The following ROBO2 variants were observed in gnomAD, a reference collection of about 807,000 sequenced individuals.
The protein encoded by ROBO2 is roundabout homolog 2.
Under a neutral mutation model 160.8 loss-of-function variants are expected in ROBO2, and 53 were observed. The ratio of observed to expected loss-of-function variants is 0.33; its 90% CI spans 0.26 to 0.41. The LOEUF (loss-of-function observed/expected upper bound fraction) is 0.41, where lower values mean the gene tolerates loss of function less well. Ranked by LOEUF, ROBO2 falls within the 10% of genes least tolerant of loss-of-function variation. The pLI is 1.00. For missense variants in ROBO2, 1,577 were observed against 1,722.4 expected, an observed-to-expected ratio of 0.92 and a Z score of 1.49; for synonymous variants, 664 against 611.7, an observed-to-expected ratio of 1.09 and a Z score of -1.26.
At position 77,335,964 on chromosome 3, in the gene ROBO2, G is replaced by A. The variant is rs140044525; in HGVS notation, c.389-141450G>A. Among the ~76,000 whole-genome samples the A allele has an allele frequency of 6.6e-5, 10 of 152,292 alleles. No homozygotes were observed. In the East Asian group the frequency reaches 1.9e-3, roughly 29 times the overall value. On this transcript the variant is annotated intron_variant, in intron 2 of 25. Transcript: ENST00000461745. Reference sequence around the variant, plus strand: ...ATTAAATGTTGAAATTGTCATAATGGAGGTATATGCAAGGTACTGTAAGAA... The same window carrying A: ...ATTAAATGTTGAAATTGTCATAATGAAGGTATATGCAAGGTACTGTAAGAA...
At chr3:76,873,987 G>A (rs867643090) in intron 2 of ROBO2, among the ~76,000 whole-genome samples, 1 of 152,116 alleles carries the variant, frequency 6.6e-6, no homozygotes, top group South Asian at 2.1e-4. Flanking sequence ...ATAGAATGGA[G>A]AGAGAACCAA....
intron 2 of ROBO2, among the ~76,000 whole-genome samples, chr3:77,293,579 G>A (rs1393320095): frequency 2.1e-4 from 31 of 146,788 alleles, no homozygotes; most frequent in Non-Finnish European, 3.9e-4. Flanking sequence ...ACGGGTAAAC[G>A]GGTAAGCTGA....
At chr3:76,178,867 A>C (rs2073325540) in intron 2 of ROBO2, among the ~76,000 whole-genome samples, 1 of 151,984 alleles carries the variant, frequency 6.6e-6, no homozygotes, top group Admixed American at 6.6e-5. Flanking sequence ...CTTGAACCTG[A>C]GAGGCGGAGG....
chr3:77,463,316 A>C (rs1273464372), intron 2 of ROBO2, among the ~76,000 whole-genome samples: 1 of 152,192 alleles, frequency 6.6e-6, no homozygotes, highest in African/African-American at 2.4e-5. Context: ...ATCAACTTTT[A>C]AAATGAACTA....
chr3:77,551,104 T>C, intron 8 of ROBO2, 115 bp downstream of exon 9: 2 of 1,144,442 alleles, frequency 1.7e-6, no homozygotes, highest in Non-Finnish European at 2.6e-6. Flanking sequence ...TGCTTATCTT[T>C]TAAGTTTGAA....
intron 2 of ROBO2, among the ~76,000 whole-genome samples, chr3:76,520,411 A>G (rs2081547408): frequency 6.6e-6 from 1 of 152,172 alleles, no homozygotes; most frequent in African/African-American, 2.4e-5. Context: ...AGATTGTGCC[A>G]CTGCACTCCA....
At chr3:77,398,664 C>A (rs2075516433) in intron 2 of ROBO2, among the ~76,000 whole-genome samples, 1 of 152,060 alleles carries the variant, frequency 6.6e-6, no homozygotes, top group South Asian at 2.1e-4. Context: ...TCACTGCAAC[C>A]TGGATTTCCT....
intron 2 of ROBO2, among the ~76,000 whole-genome samples, chr3:75,942,609 A>C (rs558344566): frequency 3.9e-5 from 6 of 152,250 alleles, no homozygotes; most frequent in African/African-American, 1.4e-4. Context: ...CATAAAACCC[A>C]CATGAATACA....
At chr3:75,936,928 A>G (rs73123282) in intron 1 of ROBO2, among the ~76,000 whole-genome samples, 1 of 152,058 alleles carries the variant, frequency 6.6e-6, no homozygotes, top group Non-Finnish European at 1.5e-5. Flanking sequence ...TAATTTTACT[A>G]TCAATTTTAA....
At position 77,375,225 on chromosome 3, in the gene ROBO2, T is replaced by G. The variant is rs149368142; in HGVS notation, c.389-102189T>G. Among the ~76,000 whole-genome samples the G allele has an allele frequency of 1.6e-4, 25 of 152,334 alleles. No individual in the cohort carries two copies. In the East Asian group the frequency reaches 2.3e-3, roughly 14 times the overall value. On this transcript the variant is annotated intron_variant, in intron 2 of 25. Coordinates refer to ENST00000461745, the Ensembl canonical transcript of ROBO2. Reference sequence around the variant, plus strand: ...AGACCTTGTCTCTAACAAAGATATATGAATGGAATTAAAATGTTTTCTTGG... The same window carrying G: ...AGACCTTGTCTCTAACAAAGATATAGGAATGGAATTAAAATGTTTTCTTGG...
At chr3:77,301,894 T>G (rs1236449808) in intron 2 of ROBO2, among the ~76,000 whole-genome samples, 1 of 148,370 alleles carries the variant, frequency 6.7e-6, no homozygotes, top group Non-Finnish European at 1.5e-5. Context: ...TTTTTTTTCT[T>G]TTTTAAGTTA....
At chr3:75,999,608 A>G (rs568492272) in intron 2 of ROBO2, among the ~76,000 whole-genome samples, 13 of 152,298 alleles carry the variant, frequency 8.5e-5, no homozygotes, top group African/African-American at 3.1e-4. Flanking sequence ...TGGCATGTGC[A>G]TGAATTCCTT....
intron 2 of ROBO2, among the ~76,000 whole-genome samples, chr3:76,015,783 A>G (rs1047287172): frequency 3.9e-5 from 6 of 152,324 alleles, no homozygotes; most frequent in African/African-American, 1.2e-4. Flanking sequence ...ATAATCAGAG[A>G]ATAAAGATCT....
Position 77,580,104 on chromosome 3 carries a change from A to G in ROBO2, c.2486A>G (p.Gln829Arg), listed in dbSNP as rs568282628. 7 of 1,613,786 alleles carry G rather than the reference A, an allele frequency of 4.3e-6. No individual in the cohort carries two copies. The South Asian group carries it at 4.4e-5, about 10-fold the overall frequency. The change falls in exon 16 of 26, where the codon CAG (glutamine) becomes CGG (arginine). Residue 829 changes from glutamine to arginine, a missense_variant. Around this residue, in one of 2 missense-constraint regions of ROBO2, gnomAD observed 940 missense variants for 1,135.5 expected, o/e 0.83. Transcript: ENST00000461745. ...GGGGTTGGAGTAAAGAGTGAGCCAC[A>G]GCCAATAATAATCGGTGAGTATCAA...
At chr3:76,868,108 G>C (rs534424107) in intron 2 of ROBO2, among the ~76,000 whole-genome samples, 1 of 152,080 alleles carries the variant, frequency 6.6e-6, no homozygotes, top group Admixed American at 6.6e-5. Flanking sequence ...TAGGCAATGG[G>C]CATCTATTTT....
chr3:77,171,803 C>T (rs1277799747), intron 2 of ROBO2, among the ~76,000 whole-genome samples: 1 of 152,150 alleles, frequency 6.6e-6, no homozygotes, highest in Non-Finnish European at 1.5e-5. Context: ...CTATTTCCTT[C>T]CGTTCCATTG....
At chr3:76,859,143 C>G (rs955377247) in intron 2 of ROBO2, among the ~76,000 whole-genome samples, 2 of 152,054 alleles carry the variant, frequency 1.3e-5, no homozygotes, top group Admixed American at 1.3e-4. Context: ...TGCTGAACAT[C>G]AATTTTGCCA....
At chr3:76,127,052 A>G (rs1201791381) in intron 2 of ROBO2, among the ~76,000 whole-genome samples, 5 of 152,176 alleles carry the variant, frequency 3.3e-5, no homozygotes, top group African/African-American at 7.2e-5. Context: ...TCTATCATCA[A>G]ATACTATTAG....
rs188572654 is a variant in ROBO2, at chr3:77,552,799, C to G, written c.1231+1810C>G. Among the ~76,000 whole-genome samples, 385 of 152,086 alleles carry G rather than the reference C, an allele frequency of 2.5e-3. 4 individuals carry two copies. The highest frequency in any genetic ancestry group is 2.0e-3 in the Non-Finnish European group (134 of 67,952). On this transcript the variant is annotated intron_variant, in intron 8 of 25. Coordinates refer to ENST00000461745, the Ensembl canonical transcript of ROBO2. ...ACACATGTTATCAATTAATCTGTCT[C>G]TAAATATGAAGTTGCCACATTGGCT...
Sources: allele counts gnomAD v4.1 joint callset (sites outside exome capture counted in the v4.1 genomes callset), GRCh38; gene constraint gnomAD v4.1.1; regional missense constraint gnomAD v4.1.1; transcripts MANE v1.5; gene names NCBI Gene and HGNC (gene_info 2026-07-23, HGNC 2026-07-21).